The following PIWIL2 variants were observed in gnomAD, a reference collection of about 807,000 sequenced individuals.
PIWIL2 encodes the protein piwi like RNA-mediated gene silencing 2.
Under a neutral mutation model 116.5 loss-of-function variants are expected in PIWIL2, and 81 were observed. The ratio of observed to expected loss-of-function variants is 0.70; its 90% confidence interval spans 0.58 to 0.84. The LOEUF (loss-of-function observed/expected upper bound fraction) is 0.84, where lower values mean the gene tolerates loss of function less well. Ranked by LOEUF, PIWIL2 falls within the 40% of genes least tolerant of loss-of-function variation. PIWIL2 has a pLI of 0.00. For synonymous variants in PIWIL2, 489 were observed against 429.5 expected, an observed-to-expected ratio of 1.14 and a Z score of -1.71; for missense variants, 1,272 against 1,212.3, an observed-to-expected ratio of 1.05 and a Z score of -0.73.
rs760539069 is a variant in PIWIL2 at position 22,353,190 on chromosome 8, C to T, written c.2635C>T (p.His879Tyr). Reference sequence around the variant, plus strand: ...TCCCACTCCTGGAACTGTGGTAGATCATACAATAACAAGCTGTGAGTGGTA... The same window carrying T: ...TCCCACTCCTGGAACTGTGGTAGATTATACAATAACAAGCTGTGAGTGGTA... ...VTPTPGTVVDHTITSCEWVDF... is the reference protein window; with the variant it reads ...VTPTPGTVVDYTITSCEWVDF... The change falls in exon 21 of 23, where the codon CAT (histidine) becomes TAT (tyrosine). Residue 879 changes from histidine to tyrosine, a missense_variant. His to Tyr is a moderately conservative substitution (Grantham distance 83). Transcript: ENST00000356766. 6.2e-7 allele frequency: 1 copy of T among 1,612,826 alleles called. No homozygotes were observed. Among genetic ancestry groups the T allele is most frequent in the Non-Finnish European group, 8.5e-7 (1 of 1,179,132 alleles).
intron 13 of PIWIL2, among the ~76,000 whole-genome samples, chr8:22,306,850 T>C (rs1831193779): frequency 6.6e-6 from 1 of 152,228 alleles, no homozygotes. Flanking sequence ...CAGAGCTGTA[T>C]CTACCCCTGT....
chr8:22,342,189 G>A (rs1212203608), intron 20 of PIWIL2, among the ~76,000 whole-genome samples: 1 of 152,160 alleles, frequency 6.6e-6, no homozygotes, highest in Non-Finnish European at 1.5e-5. Flanking sequence ...GAGAGATTCT[G>A]TGTTCATTGA....
intron 10 of PIWIL2, among the ~76,000 whole-genome samples, chr8:22,297,899 C>T (rs1830949809): frequency 6.6e-6 from 1 of 152,088 alleles, no homozygotes; most frequent in Admixed American, 6.6e-5. Flanking sequence ...GCAGAAAAGA[C>T]AGTCCGGAAC....
intron 14 of PIWIL2, among the ~76,000 whole-genome samples, chr8:22,309,695 A>G (rs796902018): frequency 9.2e-5 from 14 of 152,380 alleles, no homozygotes; most frequent in Admixed American, 3.9e-4. Context: ...TAAATAGACA[A>G]TGTTTTCAAA....
At chr8:22,292,659 G>A (rs1162938699) in intron 10 of PIWIL2, among the ~76,000 whole-genome samples, 1 of 152,242 alleles carries the variant, frequency 6.6e-6, no homozygotes, top group Non-Finnish European at 1.5e-5. Context: ...CATGAATTGG[G>A]TAACACCTTG....
At position 22,310,010 on chromosome 8, in the gene PIWIL2, C is replaced by T. The variant is rs1338498212; in HGVS notation, c.1736C>T (p.Ser579Leu). The T allele has an allele frequency of 6.8e-6, 11 of 1,611,422 alleles. No individual in the cohort carries two copies. Among genetic ancestry groups the T allele is most frequent in the Non-Finnish European group, 5.1e-6 (6 of 1,177,714 alleles). The stretch of plus-strand genomic sequence containing the variant: ...GAAAGAATTAACTTAAAAAATACTT[C>T]GTTTATCACATCTCAGGAACTAAAC... ...PMERINLKNT[S>L]FITSQELNWV... The change falls in exon 15 of 23, where the codon TCG (serine) becomes TTG (leucine). Residue 579 changes from serine (S) to leucine (L), a missense_variant. Ser to Leu is a moderately radical substitution (Grantham distance 145, BLOSUM62 -2). Coordinates refer to ENST00000356766, the MANE Select transcript of PIWIL2 (RefSeq NM_018068.5).
At position 22,315,550 on chromosome 8, in the gene PIWIL2, G is replaced by A. The variant is rs558154423; in HGVS notation, c.2208+405G>A. Among the ~76,000 whole-genome samples the A allele has an allele frequency of 1.0e-3, 152 of 152,176 alleles. 1 individual carries two copies. The highest frequency in any genetic ancestry group is 1.7e-3 in the Non-Finnish European group (115 of 68,008). The stretch of plus-strand genomic sequence containing the variant: ...CAGGCTGGTCTCAAACTCCTGACCT[G>A]GTGATCTGCCCACCTCAGCCTTCCA... On this transcript the variant is annotated intron_variant, in intron 18 of 22. Coordinates refer to ENST00000356766, the MANE Select transcript of PIWIL2 (RefSeq NM_018068.5).
chr8:22,304,033 T>C lies in PIWIL2; in HGVS notation c.1194T>C (p.Tyr398=), dbSNP rs776011409. 6.2e-7 allele frequency: 1 copy of C among 1,611,600 alleles called. No individual in the cohort carries two copies. Among genetic ancestry groups the C allele is most frequent in the Non-Finnish European group, 8.5e-7 (1 of 1,178,520 alleles). ...TCTCTTTCCAAAGGCATGCCATTTATCAGCAGAATAAAGAACACTTCCAGG... is the reference window on the plus strand; with the variant it reads ...TCTCTTTCCAAAGGCATGCCATTTACCAGCAGAATAAAGAACACTTCCAGG... ...DCVLDVMHAI[Y]QQNKEHFQDE... The change falls in exon 11 of 23, where the codon TAT becomes TAC. Residue 398 remains tyrosine (Y), a synonymous_variant. Coordinates refer to ENST00000356766, the MANE Select transcript of PIWIL2 (RefSeq NM_018068.5).
At chr8:22,322,658 G>A (rs1435180533) in intron 20 of PIWIL2, among the ~76,000 whole-genome samples, 1 of 150,576 alleles carries the variant, frequency 6.6e-6, no homozygotes, top group Non-Finnish European at 1.5e-5. Flanking sequence ...TCCTTGTCCT[G>A]TCCTTTTTTG....
At chr8:22,317,739 A>G (rs2132056465) in intron 19 of PIWIL2, among the ~76,000 whole-genome samples, 1 of 152,154 alleles carries the variant, frequency 6.6e-6, no homozygotes, top group East Asian at 1.9e-4. Context: ...AGCTCACTGC[A>G]AGCTCCGCCT....
At chr8:22,286,991 A>G (rs1164504947) in intron 6 of PIWIL2, among the ~76,000 whole-genome samples, 1 of 151,978 alleles carries the variant, frequency 6.6e-6, no homozygotes. Context: ...GGACTGAGGC[A>G]GAAGGATCAC....
At chr8:22,288,377 G>T (rs186192587) in intron 7 of PIWIL2, among the ~76,000 whole-genome samples, 165 bp from the exon 8 acceptor site, 1 of 151,752 alleles carries the variant, frequency 6.6e-6, no homozygotes, top group African/African-American at 2.4e-5. Flanking sequence ...AATCGTAGTT[G>T]TCATGCTGTG....
intron 20 of PIWIL2, among the ~76,000 whole-genome samples, chr8:22,342,145 G>C (rs1832125258): frequency 8.3e-6 from 1 of 119,920 alleles, no homozygotes; most frequent in Admixed American, 9.6e-5. Flanking sequence ...CTACAAAACT[G>C]ATGAAAAAAA....
At chr8:22,350,230 G>T (rs1832323851) in intron 20 of PIWIL2, among the ~76,000 whole-genome samples, 1 of 152,102 alleles carries the variant, frequency 6.6e-6, no homozygotes, top group South Asian at 2.1e-4. Context: ...CTTGTTGGGG[G>T]CAGGAGGAAA....
Position 22,283,201 on chromosome 8 carries a change from C to T in PIWIL2, c.593C>T (p.Pro198Leu), listed in dbSNP as rs1349405822. The T allele has an allele frequency of 6.2e-7, 1 of 1,614,058 alleles. No homozygotes were observed. Among genetic ancestry groups the T allele is most frequent in the Non-Finnish European group, 8.5e-7 (1 of 1,179,952 alleles). The change falls in exon 5 of 23, where the codon CCA becomes CTA. Residue 198 changes from proline (P) to leucine (L), a missense_variant. Physicochemically the swap from Pro to Leu is moderately conservative, Grantham distance 98. Transcript: ENST00000356766. ...PALPQSPLHS[P>L]DRPLVLTVEH... is the part of the protein sequence containing the mutation. ...CTGCCCCAGTCTCCCCTGCACTCTC[C>T]AGATCGCCCTCTGGTCCTGACTGTG... is the stretch of plus-strand genomic sequence containing the variant.
At chr8:22,305,886 C>T (rs755205784) in intron 12 of PIWIL2, 41 bp from the exon 13 acceptor site, 2 of 1,456,500 alleles carry the variant, frequency 1.4e-6, no homozygotes, top group Admixed American at 1.7e-5. Flanking sequence ...ACATGAGCCT[C>T]TTGTACTGCC....
Position 22,355,763 on chromosome 8 carries a change from G to A in PIWIL2, c.*258G>A, listed in dbSNP as rs1180039234. ...TACTGCCACTCTGCAGGTGGAGCGG[G>A]TGACTCTGGGGGACCATTAAGACCT... On this transcript the variant is annotated 3_prime_UTR_variant, in exon 23 of 23. Coordinates refer to ENST00000356766, the MANE Select transcript of PIWIL2 (RefSeq NM_018068.5). 1 of 455,426 alleles carries A rather than the reference G, an allele frequency of 2.2e-6. No individual in the cohort carries two copies. The highest frequency in any genetic ancestry group is 2.0e-5 in the African/African-American group (1 of 50,984). 28.2% of individuals were successfully genotyped at this position (455,426 alleles called of 1,614,324 possible).
In PIWIL2 at chr8:22,283,029, T is replaced by G; in HGVS notation, c.426-5T>G. The G allele has an allele frequency of 3.1e-6, 5 of 1,612,590 alleles. No individual in the cohort carries two copies. The highest frequency in any genetic ancestry group is 4.2e-6 in the Non-Finnish European group (5 of 1,178,554). ...CCCTGATTTGCCTCTCTCTCCACATTTCAGGACGCTTGGAAGAGGGAGTTC... is the reference window on the plus strand; with the variant it reads ...CCCTGATTTGCCTCTCTCTCCACATGTCAGGACGCTTGGAAGAGGGAGTTC... On this transcript the variant is annotated splice_polypyrimidine_tract_variant and splice_region_variant and intron_variant, in intron 4 of 22. Transcript: ENST00000356766.
intron 20 of PIWIL2, among the ~76,000 whole-genome samples, chr8:22,336,912 C>T (rs756362276): frequency 6.6e-6 from 1 of 151,966 alleles, no homozygotes; most frequent in Non-Finnish European, 1.5e-5. Flanking sequence ...GGAATGAGAG[C>T]GGTAACATTG....
Sources: gnomAD v4.1 joint callset for allele counts (sites outside exome capture counted in the v4.1 genomes callset) on GRCh38, gnomAD v4.1.1 for gene constraint, MANE v1.5 for transcripts, NCBI Gene and HGNC (gene_info 2026-07-23, HGNC 2026-07-21) for gene names.